The following CFAP70 variants were observed in gnomAD, a reference collection of about 807,000 sequenced individuals.
CFAP70 encodes the protein cilia and flagella associated protein 70, also known as cilia- and flagella-associated protein 70.
CFAP70 carries 81 observed loss-of-function variants against 137.6 expected under a neutral mutation model. The ratio of observed to expected loss-of-function variants is 0.59; its 90% CI spans 0.49 to 0.71. CFAP70 has a LOEUF of 0.71. Ranked by LOEUF, CFAP70 falls within the 30% of genes least tolerant of loss-of-function variation. CFAP70 has a pLI of 0.00. For missense variants in CFAP70, 976 were observed against 1,226.7 expected, an observed-to-expected ratio of 0.80 and a Z score of 3.05; for synonymous variants, 382 against 423.6, an observed-to-expected ratio of 0.90 and a Z score of 1.20.
In CFAP70 at chr10:73,273,019, T is replaced by C; in HGVS notation, c.2836-2A>G. On this transcript the variant is annotated splice_acceptor_variant, in intron 23 of 26. Transcript: ENST00000310715. LOFTEE classifies it high-confidence loss of function. ...ATAGGTTTTCTTTGCCTTTTCATAC[T>C]GTAGAAAGAAAGCACCACTAAGCTA... 1.9e-6 allele frequency: 3 copies of C among 1,548,994 alleles called. No individual in the cohort carries two copies. Among genetic ancestry groups the C allele is most frequent in the Non-Finnish European group, 2.6e-6 (3 of 1,145,914 alleles).
intron 1 of CFAP70, among the ~76,000 whole-genome samples, chr10:73,358,522 G>A (rs1172702373): frequency 6.6e-6 from 1 of 152,244 alleles, no homozygotes; most frequent in Admixed American, 6.5e-5. Context: ...TCCTGTGGAG[G>A]TCGCCGGGCT....
intron 6 of CFAP70, among the ~76,000 whole-genome samples, chr10:73,335,983 A>G (rs2052613761): frequency 6.6e-6 from 1 of 151,944 alleles, no homozygotes; most frequent in Admixed American, 6.6e-5. Context: ...TCTAAAAATA[A>G]TTTAAAAATT....
chr10:73,327,734 C>T (rs2051616146), intron 8 of CFAP70, among the ~76,000 whole-genome samples: 1 of 152,022 alleles, frequency 6.6e-6, no homozygotes, highest in South Asian at 2.1e-4. Flanking sequence ...AATTCCCATT[C>T]ACAATTGCTT....
In CFAP70 at chr10:73,322,854, A is replaced by C. The variant is rs759222018; in HGVS notation, c.912+109T>G. Reference sequence around the variant, plus strand: ...GGCTATATATTTAATATCCTAGTATACCAACTGGTTCTAAATATCAGTTGC... The same window carrying C: ...GGCTATATATTTAATATCCTAGTATCCCAACTGGTTCTAAATATCAGTTGC... On this transcript the variant is annotated intron_variant, in intron 9 of 26. Coordinates refer to ENST00000310715, the Ensembl canonical transcript of CFAP70. 5.3e-4 allele frequency: 480 copies of C among 912,166 alleles called. 1 individual carries two copies. The highest frequency in any genetic ancestry group is 6.9e-4 in the Non-Finnish European group (439 of 633,432). The allele number at this position is 912,166 out of a possible 1,614,324, so 56.5% of individuals were successfully genotyped here. A position where few individuals can be genotyped will look rare whatever the true frequency, so the allele number is the denominator to read the frequency against.
chr10:73,317,374 T>C (rs2050479376), intron 9 of CFAP70, among the ~76,000 whole-genome samples: 1 of 152,222 alleles, frequency 6.6e-6, no homozygotes, highest in Non-Finnish European at 1.5e-5. Context: ...TTCAGAATTT[T>C]GCATATGTTA....
At chr10:73,290,251 A>G (rs1287662626) in intron 19 of CFAP70, among the ~76,000 whole-genome samples, 1 of 152,196 alleles carries the variant, frequency 6.6e-6, no homozygotes, top group Non-Finnish European at 1.5e-5. Flanking sequence ...GTAATTATGC[A>G]TAGATAAAAA....
chr10:73,338,337 G>A (rs1460516767), intron 6 of CFAP70, among the ~76,000 whole-genome samples: 8 of 151,732 alleles, frequency 5.3e-5, no homozygotes, highest in African/African-American at 7.3e-5. Flanking sequence ...TTAGGACCAG[G>A]CTGGTCTCAA....
At chr10:73,357,994 C>T (rs1006970354) in intron 1 of CFAP70, among the ~76,000 whole-genome samples, 1 of 152,216 alleles carries the variant, frequency 6.6e-6, no homozygotes, top group African/African-American at 2.4e-5. Flanking sequence ...AACTATGTGC[C>T]CCTAGGCAAA....
intron 8 of CFAP70, among the ~76,000 whole-genome samples, chr10:73,326,786 G>A (rs981655030): frequency 6.6e-6 from 1 of 152,056 alleles, no homozygotes; most frequent in Non-Finnish European, 1.5e-5. Flanking sequence ...GACTAAACCA[G>A]GAAGAACTTG....
Position 73,262,063 on chromosome 10 carries a change from ATATATGTATATAT to A in CFAP70, c.3028-5660_3028-5648del, listed in dbSNP as rs976623127. Among the ~76,000 whole-genome samples the A allele has an allele frequency of 2.0e-4, 29 of 142,856 alleles. No individual in the cohort carries two copies. In the South Asian group the frequency reaches 4.6e-3, roughly 22 times the overall value. The allele number at this position is 142,856 out of a possible 152,430, so 93.7% of individuals were successfully genotyped here. On this transcript the variant is annotated intron_variant, in intron 25 of 26. Coordinates refer to ENST00000310715, the Ensembl canonical transcript of CFAP70. ...TGTATATATTATATATTATATATGTATATATGTATATATTATATATGTATATATATAATACATA... is the reference window on the plus strand; with the variant it reads ...TGTATATATTATATATTATATATGTATATATATGTATATATATAATACATA...
At chr10:73,290,165 C>T (rs1027954552) in intron 19 of CFAP70, among the ~76,000 whole-genome samples, 4 of 151,994 alleles carry the variant, frequency 2.6e-5, no homozygotes, top group African/African-American at 4.8e-5. Context: ...TGTGGTATAT[C>T]CATACAATGG....
chr10:73,269,754 A>T (rs750337332), intron 24 of CFAP70, 39 bp from the exon 26 acceptor site: 2 of 1,298,110 alleles, frequency 1.5e-6, no homozygotes, highest in Non-Finnish European at 2.2e-6. Context: ...AGCTTAGCTG[A>T]AACCACTATG....
intron 7 of CFAP70, among the ~76,000 whole-genome samples, chr10:73,332,673 T>TAG (rs1490479984): frequency 2.6e-5 from 4 of 152,160 alleles, no homozygotes; most frequent in Non-Finnish European, 5.9e-5. Context: ...ACCCCTCTAT[T>TAG]AGAGAAGTTC....
intron 9 of CFAP70, among the ~76,000 whole-genome samples, chr10:73,317,074 G>A (rs2050453069): frequency 6.6e-6 from 1 of 152,170 alleles, no homozygotes; most frequent in African/African-American, 2.4e-5. Context: ...CATCTAGGCT[G>A]GAGTGCAGTG....
intron 8 of CFAP70, 145 bp from the exon 10 acceptor site, chr10:73,323,242 G>T: frequency 1.8e-6 from 1 of 552,242 alleles, no homozygotes; most frequent in Non-Finnish European, 2.8e-6. Context: ...AGTTACATAA[G>T]ACATTTTGGG....
At chr10:73,299,882 A>G (rs532774203) in intron 12 of CFAP70, among the ~76,000 whole-genome samples, 1 of 152,284 alleles carries the variant, frequency 6.6e-6, no homozygotes, top group South Asian at 2.1e-4. Flanking sequence ...GGAGGTGAGG[A>G]AGCAGCTACT....
upstream of CFAP70, among the ~76,000 whole-genome samples, chr10:73,361,720 A>G (rs1251351018): frequency 2.6e-5 from 4 of 152,198 alleles, no homozygotes; most frequent in Non-Finnish European, 4.4e-5. Flanking sequence ...TCATTACTCC[A>G]AAAGACTTGT....
At chr10:73,300,173 T>G (rs942587793) in intron 12 of CFAP70, among the ~76,000 whole-genome samples, 2 of 152,176 alleles carry the variant, frequency 1.3e-5, no homozygotes, top group Admixed American at 6.5e-5. Flanking sequence ...CTATCAAAAC[T>G]TAATCCAAAA....
intron 25 of CFAP70, among the ~76,000 whole-genome samples, chr10:73,267,321 C>G (rs1200543490): frequency 6.6e-6 from 1 of 152,186 alleles, no homozygotes; most frequent in African/African-American, 2.4e-5. Context: ...CAGTTCTCTT[C>G]CATGTGGACT....
Sources: gnomAD v4.1 joint callset for allele counts (sites outside exome capture counted in the v4.1 genomes callset) on GRCh38, gnomAD v4.1.1 for gene constraint, MANE v1.5 for transcripts, NCBI Gene and HGNC (gene_info 2026-07-23, HGNC 2026-07-21) for gene names.